Variants in SNX29 observed in about 807,000 individuals in gnomAD.
SNX29 encodes sorting nexin-29.
SNX29 carries 78 observed loss-of-function variants against 102.1 expected under a neutral mutation model. The ratio of observed to expected loss-of-function variants is 0.76; its 90% CI spans 0.64 to 0.92. SNX29 has a LOEUF of 0.92. SNX29 is among the 40% of genes least tolerant of loss of function. The pLI, the probability that SNX29 is intolerant of heterozygous loss-of-function variation, is 0.00. For synonymous variants in SNX29, 580 were observed against 414.5 expected, an observed-to-expected ratio of 1.40 and a Z score of -4.85; for missense variants, 1,280 against 1,061.7, an observed-to-expected ratio of 1.21 and a Z score of -2.86.
chr16:12,247,851 T>A (rs2078304400), intron 14 of SNX29, among the ~76,000 whole-genome samples: 1 of 152,200 alleles, frequency 6.6e-6, no homozygotes, highest in South Asian at 2.1e-4. Context: ...AGTCCAACCC[T>A]GCAGTTGTAC....
At chr16:12,289,643 A>G (rs1266593452) in intron 15 of SNX29, among the ~76,000 whole-genome samples, 3 of 152,132 alleles carry the variant, frequency 2.0e-5, no homozygotes, top group Non-Finnish European at 4.4e-5. Flanking sequence ...GAACAGATGA[A>G]CTTCCTTAGA....
intron 20 of SNX29, chr16:12,527,083 A>G (rs1340978565): frequency 2.3e-6 from 1 of 442,016 alleles, no homozygotes; most frequent in Non-Finnish European, 4.4e-6. Context: ...CCCAGTTGAA[A>G]TTAAACAGCT....
chr16:12,290,961 T>G (rs151251126), intron 15 of SNX29, among the ~76,000 whole-genome samples: 1 of 152,160 alleles, frequency 6.6e-6, no homozygotes, highest in African/African-American at 2.4e-5. Context: ...ATAGACTTTT[T>G]AAGAGCAAGA....
intron 14 of SNX29, among the ~76,000 whole-genome samples, chr16:12,208,942 C>T (rs1222629298): frequency 6.6e-6 from 1 of 151,734 alleles, no homozygotes; most frequent in Non-Finnish European, 1.5e-5. Flanking sequence ...ATGTACTTAG[C>T]TTTGTTAGGG....
At chr16:12,378,230 T>G (rs189684752) in intron 16 of SNX29, among the ~76,000 whole-genome samples, 3 of 152,278 alleles carry the variant, frequency 2.0e-5, no homozygotes, top group African/African-American at 7.2e-5. Context: ...CTGCATCTGG[T>G]GAGGGTGTTT....
chr16:12,242,067 G>A (rs551010817), intron 14 of SNX29, among the ~76,000 whole-genome samples: 1 of 152,240 alleles, frequency 6.6e-6, no homozygotes, highest in East Asian at 1.9e-4. Context: ...CTGGGTTGGA[G>A]TCAGGCCTGG....
chr16:12,230,608 A>G (rs947624720), intron 14 of SNX29, among the ~76,000 whole-genome samples: 1 of 152,196 alleles, frequency 6.6e-6, no homozygotes, highest in Non-Finnish European at 1.5e-5. Context: ...AAGTGGACAA[A>G]TTTTAGCATT....
chr16:12,537,616 A>ATGAT (rs1270860307), intron 20 of SNX29, among the ~76,000 whole-genome samples: 1 of 152,186 alleles, frequency 6.6e-6, no homozygotes, highest in Non-Finnish European at 1.5e-5. Context: ...CAGTCCCAAA[A>ATGAT]TGATTGAGTT....
intron 20 of SNX29, among the ~76,000 whole-genome samples, chr16:12,537,781 GTAA>G (rs1555569746): frequency 2.6e-5 from 4 of 152,162 alleles, no homozygotes; most frequent in South Asian, 2.1e-4. Flanking sequence ...ACAAAAAAAA[GTAA>G]TAAAATATCT....
At chr16:12,541,559 C>T (rs1484922315) in intron 20 of SNX29, among the ~76,000 whole-genome samples, 1 of 152,164 alleles carries the variant, frequency 6.6e-6, no homozygotes, top group South Asian at 2.1e-4. Context: ...CCTTTTCAAG[C>T]TGCCAAATTG....
chr16:12,272,127 CT>C (rs1490935830), intron 14 of SNX29, among the ~76,000 whole-genome samples: 1 of 152,196 alleles, frequency 6.6e-6, no homozygotes, highest in Non-Finnish European at 1.5e-5. Context: ...TGTCCAGGGT[CT>C]TTCCCCAAGC....
At chr16:12,240,108 C>T (rs140793087) in intron 14 of SNX29, among the ~76,000 whole-genome samples, 92 of 152,304 alleles carry the variant, frequency 6.0e-4, no homozygotes, top group Non-Finnish European at 1.1e-3. Flanking sequence ...CCTTAACGGC[C>T]GCATGATGTC....
chr16:12,554,558 C>CA (rs2078203925), intron 20 of SNX29, among the ~76,000 whole-genome samples: 2 of 152,296 alleles, frequency 1.3e-5, no homozygotes, highest in Admixed American at 1.3e-4. Flanking sequence ...ACTTGTTCAA[C>CA]AATTTCTTAA....
rs938607119 is a variant in SNX29, at chr16:12,380,082, A to C, written c.1900-18364A>C. Among the ~76,000 whole-genome samples the C allele has an allele frequency of 4.6e-5, 7 of 151,076 alleles. No homozygotes were observed. The East Asian group carries it at 1.3e-3, about 29-fold the overall frequency. On this transcript the variant is annotated intron_variant, in intron 16 of 20. Transcript: ENST00000566228. Reference sequence around the variant, plus strand: ...TCTTACTTTCTGCTGCCAATGCCCTAATTTCTTAACCTTGCAGAATGGAAT... The same window carrying C: ...TCTTACTTTCTGCTGCCAATGCCCTCATTTCTTAACCTTGCAGAATGGAAT...
intron 13 of SNX29, among the ~76,000 whole-genome samples, chr16:12,184,295 A>G (rs892955331): frequency 8.5e-5 from 13 of 152,176 alleles, no homozygotes; most frequent in African/African-American, 3.1e-4. Context: ...CAGGATCCAA[A>G]CAAGGTTTGT....
At chr16:12,104,342 G>A (rs1352660576) in intron 11 of SNX29, among the ~76,000 whole-genome samples, 1 of 152,096 alleles carries the variant, frequency 6.6e-6, no homozygotes, top group African/African-American at 2.4e-5. Context: ...GATCACCTGA[G>A]GTCAGGAGTT....
chr16:12,551,671 A>T (rs1004557908), intron 20 of SNX29, among the ~76,000 whole-genome samples: 1 of 152,230 alleles, frequency 6.6e-6, no homozygotes, highest in Admixed American at 6.5e-5. Context: ...GTTCCTGTGC[A>T]GTAGGATAAA....
chr16:12,204,245 T>C (rs1386471487), intron 14 of SNX29, among the ~76,000 whole-genome samples: 1 of 152,186 alleles, frequency 6.6e-6, no homozygotes, highest in African/African-American at 2.4e-5. Flanking sequence ...TTTTTGGTAA[T>C]AGGGGCAGTC....
intron 14 of SNX29, among the ~76,000 whole-genome samples, chr16:12,219,116 C>G (rs912227247): frequency 6.6e-6 from 1 of 152,212 alleles, no homozygotes; most frequent in East Asian, 1.9e-4. Flanking sequence ...TTGTAGTAAG[C>G]TGTCTCCTTA....
Sources: gnomAD v4.1 joint callset for allele counts (sites outside exome capture counted in the v4.1 genomes callset) on GRCh38, gnomAD v4.1.1 for gene constraint, MANE v1.5 for transcripts, NCBI Gene and HGNC (gene_info 2026-07-23, HGNC 2026-07-21) for gene names.